DGLUCY: variants seen among roughly 807,000 people sequenced by gnomAD.
DGLUCY encodes D-glutamate cyclase, mitochondrial.
A neutral mutation model predicts 58.5 loss-of-function variants in DGLUCY; 58 were observed. That is an observed-to-expected ratio of 0.99 (90% CI 0.80 to 1.23). DGLUCY has a LOEUF of 1.23. Among genes scored for constraint, DGLUCY ranks in the 50% most tolerant of loss-of-function variants. The pLI is 0.00. For missense variants in DGLUCY, 779 were observed against 784.7 expected, an observed-to-expected ratio of 0.99 and a Z score of 0.09; for synonymous variants, 325 against 314.1, an observed-to-expected ratio of 1.03 and a Z score of -0.37.
chr14:91,198,349 T>C (rs950059895), intron 10 of DGLUCY, among the ~76,000 whole-genome samples: 2 of 145,674 alleles, frequency 1.4e-5, no homozygotes, highest in Admixed American at 1.4e-4. Context: ...CAGCCTTTTT[T>C]TTTTTTCCCC....
intron 12 of DGLUCY, among the ~76,000 whole-genome samples, chr14:91,205,403 G>T (rs1289694447): frequency 2.0e-5 from 3 of 152,084 alleles, no homozygotes; most frequent in African/African-American, 7.2e-5. Context: ...GTCCGTCTAG[G>T]TGTGGCCTCC....
chr14:91,149,524 G>A (rs576211140), intron 1 of DGLUCY, among the ~76,000 whole-genome samples: 32 of 152,316 alleles, frequency 2.1e-4, no homozygotes, highest in Admixed American at 1.9e-3. Flanking sequence ...TAAAGGAACT[G>A]CCTAGTTTAT....
At chr14:91,065,326 G>A (rs1433880470) in intron 1 of DGLUCY, among the ~76,000 whole-genome samples, 1 of 152,174 alleles carries the variant, frequency 6.6e-6, no homozygotes, top group Non-Finnish European at 1.5e-5. Context: ...GGAGATGAGC[G>A]GTTGGGCAAC....
At chr14:91,158,519 TATTTTCTATCTAGG>T (rs1239946331) in intron 2 of DGLUCY, among the ~76,000 whole-genome samples, 8 of 152,238 alleles carry the variant, frequency 5.3e-5, no homozygotes, top group Non-Finnish European at 1.2e-4. Flanking sequence ...GGGTTTACAT[TATTTTCTATCTAGG>T]AGATTAGAGT....
At chr14:91,224,641 C>T (rs1887962301) in intron 13 of DGLUCY, 43 bp from the exon 14 acceptor site, 5 of 1,526,238 alleles carry the variant, frequency 3.3e-6, no homozygotes, top group Non-Finnish European at 4.4e-6. Context: ...ATTTCTTTTT[C>T]CTCCCCCTCC....
chr14:91,175,218 G>T (rs937971371), intron 6 of DGLUCY, among the ~76,000 whole-genome samples: 1 of 152,022 alleles, frequency 6.6e-6, no homozygotes, highest in African/African-American at 2.4e-5. Context: ...GATCCCCAGC[G>T]TATTCACTCA....
chr14:91,121,795 A>AG (rs923540298), intron 1 of DGLUCY, among the ~76,000 whole-genome samples: 3 of 152,256 alleles, frequency 2.0e-5, no homozygotes, highest in Admixed American at 6.5e-5. Flanking sequence ...GGGATAGAGC[A>AG]GGGGGAAAAA....
chr14:91,189,898 CTG>C (rs2049763798), intron 9 of DGLUCY: 1 of 151,882 alleles, frequency 6.6e-6, no homozygotes, highest in Non-Finnish European at 1.5e-5. Context: ...TTCCAAAAGC[CTG>C]TGTCTGTACG....
At chr14:91,187,663 C>T (rs909332461) in intron 8 of DGLUCY, among the ~76,000 whole-genome samples, 2 of 152,204 alleles carry the variant, frequency 1.3e-5, no homozygotes, top group African/African-American at 4.8e-5. Flanking sequence ...CCCTCTGTCC[C>T]TCCAGAGTCT....
intron 9 of DGLUCY, among the ~76,000 whole-genome samples, 155 bp downstream of exon 9, chr14:91,189,325 A>G (rs1294012537): frequency 6.6e-6 from 1 of 152,218 alleles, no homozygotes; most frequent in Non-Finnish European, 1.5e-5. Context: ...GAAGAGACTG[A>G]GGCTCTGAGA....
At chr14:91,220,835 A>G (rs2140787200) in intron 13 of DGLUCY, 2 of 380,972 alleles carry the variant, frequency 5.2e-6, no homozygotes, top group South Asian at 3.7e-5. Context: ...AGCCCATTTC[A>G]TGCCAGCCCT....
In DGLUCY at chr14:91,081,256, C is replaced by T. The variant is rs2044122796; in HGVS notation, c.-82+20552C>T. Among the ~76,000 whole-genome samples, 8 of 152,204 alleles carry T rather than the reference C, an allele frequency of 5.3e-5. No homozygotes were observed. The South Asian group carries it at 1.7e-3, about 32-fold the overall frequency. On this transcript the variant is annotated intron_variant, in intron 1 of 4. Transcript: ENST00000521334. Reference sequence around the variant, plus strand: ...TTAAGAGAATAATAATGAGTAAGCCCTATCTGTGTTCTACACAAACAAGTA... The same window carrying T: ...TTAAGAGAATAATAATGAGTAAGCCTTATCTGTGTTCTACACAAACAAGTA...
intron 1 of DGLUCY, among the ~76,000 whole-genome samples, chr14:91,137,260 A>G (rs2046392776): frequency 6.6e-6 from 1 of 151,556 alleles, no homozygotes; most frequent in Non-Finnish European, 1.5e-5. Flanking sequence ...GGCATGAGCT[A>G]CCATGCCCAG....
At chr14:91,101,611 C>A (rs991476457) in intron 1 of DGLUCY, among the ~76,000 whole-genome samples, 1 of 152,228 alleles carries the variant, frequency 6.6e-6, no homozygotes, top group Non-Finnish European at 1.5e-5. Context: ...CCACACAAAT[C>A]ATAAAATTGG....
At chr14:91,157,225 G>GAAT in intron 1 of DGLUCY, among the ~76,000 whole-genome samples, 1 of 144,250 alleles carries the variant, frequency 6.9e-6, no homozygotes, top group East Asian at 2.0e-4. Flanking sequence ...GTGGATGGAT[G>GAAT]GATGGGTGGA....
intron 1 of DGLUCY, among the ~76,000 whole-genome samples, chr14:91,070,580 A>T (rs2043898237): frequency 6.6e-6 from 1 of 152,208 alleles, no homozygotes. Context: ...ATTATAGAAC[A>T]ACAAAAGAGG....
chr14:91,120,884 G>A (rs1458434558), intron 1 of DGLUCY, among the ~76,000 whole-genome samples: 2 of 152,180 alleles, frequency 1.3e-5, no homozygotes, highest in East Asian at 3.9e-4. Context: ...GAGGGTCTCT[G>A]AGGGATGTTC....
At chr14:91,200,331 C>T (rs28555494) in intron 11 of DGLUCY, among the ~76,000 whole-genome samples, 4,679 of 152,202 alleles carry the variant, frequency 0.031, 153 homozygotes, top group African/African-American at 0.071. Context: ...ACTGCAAAGA[C>T]GGTCTTTGTT....
At chr14:91,080,331 C>A (rs1348667870) in intron 1 of DGLUCY, among the ~76,000 whole-genome samples, 3 of 152,182 alleles carry the variant, frequency 2.0e-5, no homozygotes, top group Admixed American at 6.6e-5. Context: ...CCGAATCATA[C>A]AGTAAGTCTG....
Sources: allele counts gnomAD v4.1 joint callset (sites outside exome capture counted in the v4.1 genomes callset), GRCh38; gene constraint gnomAD v4.1.1; transcripts MANE v1.5; gene names NCBI Gene and HGNC (gene_info 2026-07-23, HGNC 2026-07-21).